The following PAN3 variants were observed in gnomAD, a reference collection of about 807,000 sequenced individuals.
PAN3 encodes poly(A) specific ribonuclease subunit PAN3.
PAN3 carries 19 observed loss-of-function variants against 96.2 expected under a neutral mutation model. The observed-to-expected ratio is 0.20, with a 90% CI of 0.14 to 0.29. PAN3 has a LOEUF of 0.29. Among genes scored for constraint, PAN3 ranks in the 10% least tolerant of loss-of-function variants. The probability of loss-of-function intolerance (pLI) is 1.00; values close to 1 mark genes in which losing one functional copy is unlikely to be tolerated. For missense variants in PAN3, 882 were observed against 1,108.1 expected, an observed-to-expected ratio of 0.80 and a Z score of 2.90; for synonymous variants, 433 against 406.6, an observed-to-expected ratio of 1.06 and a Z score of -0.78.
chr13:28,287,133 G>A (rs551087612), intron 17 of PAN3, among the ~76,000 whole-genome samples: 11 of 152,116 alleles, frequency 7.2e-5, no homozygotes, highest in South Asian at 2.1e-4. Context: ...TGCAAATACC[G>A]ATCTCTGACG....
chr13:28,217,505 C>G (rs779508145), intron 5 of PAN3, among the ~76,000 whole-genome samples: 1 of 151,890 alleles, frequency 6.6e-6, no homozygotes, highest in Non-Finnish European at 1.5e-5. Context: ...TCACTTGAAC[C>G]TGCGAGGCGG....
chr13:28,257,606 A>T lies in PAN3; in HGVS notation c.1248+1067A>T, dbSNP rs183061908. Reference sequence around the variant, plus strand: ...GATCAGCAGAGGCATTAGATTCCATAGGAACATGAACCCTATTGTAAACTA... The same window carrying T: ...GATCAGCAGAGGCATTAGATTCCATTGGAACATGAACCCTATTGTAAACTA... On this transcript the variant is annotated intron_variant, in intron 7 of 18. Coordinates refer to ENST00000380958, the MANE Select transcript of PAN3 (RefSeq NM_175854.8). Among the ~76,000 whole-genome samples the T allele has an allele frequency of 1.5e-3, 227 of 149,702 alleles. 3 individuals are homozygous for T. Among genetic ancestry groups the T allele is most frequent in the South Asian group, 0.012 (57 of 4,788 alleles).
intron 4 of PAN3, among the ~76,000 whole-genome samples, chr13:28,185,582 G>C (rs1403013408): frequency 3.9e-5 from 6 of 152,082 alleles, no homozygotes; most frequent in Non-Finnish European, 4.4e-5. Context: ...TTTAAAAAGA[G>C]CTCTCATGAG....
At chr13:28,254,148 G>T (rs1481153480) in intron 6 of PAN3, among the ~76,000 whole-genome samples, 1 of 152,146 alleles carries the variant, frequency 6.6e-6, no homozygotes, top group Non-Finnish European at 1.5e-5. Flanking sequence ...ATGTGTGTAA[G>T]ACTTAGGAAT....
At chr13:28,245,430 C>T (rs1434426946) in intron 6 of PAN3, among the ~76,000 whole-genome samples, 1 of 151,348 alleles carries the variant, frequency 6.6e-6, no homozygotes, top group Non-Finnish European at 1.5e-5. Flanking sequence ...CCCCCCAACA[C>T]CCCTCCCACA....
intron 4 of PAN3, among the ~76,000 whole-genome samples, chr13:28,195,788 G>A (rs897798127): frequency 2.0e-5 from 3 of 152,028 alleles, no homozygotes; most frequent in Non-Finnish European, 4.4e-5. Flanking sequence ...CCACCACCTC[G>A]GCTTCCCAAA....
intron 4 of PAN3, among the ~76,000 whole-genome samples, chr13:28,187,259 T>A (rs890029264): frequency 1.3e-5 from 2 of 152,046 alleles, no homozygotes; most frequent in Admixed American, 1.3e-4. Flanking sequence ...CCCAGGAGGT[T>A]GAGGTTGCAG....
intron 16 of PAN3, among the ~76,000 whole-genome samples, chr13:28,280,846 C>G (rs1398021538): frequency 6.6e-6 from 1 of 152,122 alleles, no homozygotes; most frequent in African/African-American, 2.4e-5. Flanking sequence ...CAGGCGTGAG[C>G]CATTGCACCT....
chr13:28,286,754 G>GGAGCA lies in PAN3; in HGVS notation c.2385-1226_2385-1222dup, dbSNP rs1347885402. 3.3e-5 allele frequency among the ~76,000 whole-genome samples: 5 copies of GGAGCA among 152,132 alleles called. No individual in the cohort carries two copies. In the South Asian group the frequency reaches 6.2e-4, roughly 19 times the overall value. ...TGTCAATTTGATGGGCTGTTGAAAG[G>GGAGCA]GAGCAGAGATAAATGGGTGTTTAAT... is the stretch of plus-strand genomic sequence containing the variant. On this transcript the variant is annotated intron_variant, in intron 17 of 18. Coordinates refer to ENST00000380958, the MANE Select transcript of PAN3 (RefSeq NM_175854.8).
chr13:28,237,845 A>G (rs75450166), intron 6 of PAN3, among the ~76,000 whole-genome samples: 34 of 152,274 alleles, frequency 2.2e-4, no homozygotes, highest in Non-Finnish European at 4.6e-4. Flanking sequence ...CAGAGTCACT[A>G]CCTTCCTAAT....
At chr13:28,216,792 A>G (rs563933259) in intron 5 of PAN3, among the ~76,000 whole-genome samples, 1 of 151,064 alleles carries the variant, frequency 6.6e-6, no homozygotes, top group African/African-American at 2.5e-5. Flanking sequence ...ATCATTCAAC[A>G]GAAACTTCTT....
intron 4 of PAN3, among the ~76,000 whole-genome samples, chr13:28,181,894 T>G (rs1426491349): frequency 1.3e-5 from 2 of 152,226 alleles, no homozygotes; most frequent in Non-Finnish European, 2.9e-5. Flanking sequence ...ATTTGTCACA[T>G]TAGGAATGCC....
chr13:28,203,364 T>TA (rs1878967581), intron 5 of PAN3, among the ~76,000 whole-genome samples: 1 of 152,160 alleles, frequency 6.6e-6, no homozygotes, highest in South Asian at 2.1e-4. Context: ...CATGCAGTGG[T>TA]ATCGTCATGG....
intron 6 of PAN3, chr13:28,239,833 G>T: frequency 5.2e-6 from 2 of 382,552 alleles, no homozygotes; most frequent in Non-Finnish European, 9.4e-6. Context: ...TACTGACTTC[G>T]TTTTTATTTT....
intron 9 of PAN3, among the ~76,000 whole-genome samples, chr13:28,265,004 T>A (rs945603376): frequency 3.3e-5 from 5 of 152,344 alleles, no homozygotes; most frequent in Middle Eastern, 3.4e-3. Context: ...GAACGTAATA[T>A]TTCTTTAGGT....
chr13:28,166,178 A>C (rs2138054988), intron 1 of PAN3, among the ~76,000 whole-genome samples: 1 of 152,292 alleles, frequency 6.6e-6, no homozygotes, highest in African/African-American at 2.4e-5. Flanking sequence ...TCCTAAGGCA[A>C]ATTGCTCTCC....
intron 4 of PAN3, 23 bp from the exon 5 acceptor site, chr13:28,197,162 G>T: frequency 6.2e-7 from 1 of 1,607,958 alleles, no homozygotes; most frequent in Non-Finnish European, 8.5e-7. Context: ...GAGTGGCCTG[G>T]TTTCTTTCCT....
chr13:28,154,488 A>AT (rs1871830255), intron 1 of PAN3, among the ~76,000 whole-genome samples: 1 of 151,340 alleles, frequency 6.6e-6, no homozygotes, highest in Admixed American at 6.6e-5. Flanking sequence ...TGCAGTTTGT[A>AT]TTTTTTATAT....
intron 12 of PAN3, among the ~76,000 whole-genome samples, chr13:28,270,406 A>G (rs141705092): frequency 8.4e-4 from 128 of 152,340 alleles, no homozygotes; most frequent in East Asian, 6.4e-3. Context: ...TTTGGTTAAC[A>G]ATTACATATA....
Sources: gnomAD v4.1 joint callset for allele counts (sites outside exome capture counted in the v4.1 genomes callset) on GRCh38, gnomAD v4.1.1 for gene constraint, MANE v1.5 for transcripts, NCBI Gene and HGNC (gene_info 2026-07-23, HGNC 2026-07-21) for gene names.